Variants in CYP2C19 observed in about 807,000 individuals in gnomAD.
The protein encoded by CYP2C19 is cytochrome P450 family 2 subfamily C member 19, also known as cytochrome P450 2C19.
A neutral mutation model predicts 40.9 loss-of-function variants in CYP2C19; 59 were observed. The ratio of observed to expected loss-of-function variants is 1.44; its 90% CI spans 1.17 to 1.79. The LOEUF is 1.79. Ranked by LOEUF, CYP2C19 falls within the 40% of genes most tolerant of loss-of-function variation. CYP2C19 has a pLI of 0.00. For synonymous variants in CYP2C19, 253 were observed against 208.7 expected, an observed-to-expected ratio of 1.21 and a Z score of -1.83; for missense variants, 754 against 596.9, an observed-to-expected ratio of 1.26 and a Z score of -2.74.
At chr10:94,843,148 T>C in intron 7 of CYP2C19, 124 bp downstream of exon 7, 7 of 1,203,238 alleles carry the variant, frequency 5.8e-6, no homozygotes, top group Non-Finnish European at 8.5e-6. Context: ...GGCAGTTTAA[T>C]TGGACTTTCT....
chr10:94,792,838 T>A (rs1848622495), intron 5 of CYP2C19, among the ~76,000 whole-genome samples: 4 of 152,112 alleles, frequency 2.6e-5, no homozygotes, highest in Admixed American at 2.6e-4. Flanking sequence ...TGTCATGGGG[T>A]TGCTCTTCTC....
intron 5 of CYP2C19, among the ~76,000 whole-genome samples, chr10:94,802,830 C>A (rs2134254319): frequency 6.6e-6 from 1 of 152,200 alleles, no homozygotes; most frequent in East Asian, 1.9e-4. Flanking sequence ...TTTTATTTCT[C>A]CTTCACTTAT....
chr10:94,817,268 AT>A lies in CYP2C19; in HGVS notation c.820-3226del, dbSNP rs1395822532. Among the ~76,000 whole-genome samples the A allele has an allele frequency of 6.4e-3, 959 of 150,164 alleles. 10 individuals are homozygous for A. The highest frequency in any genetic ancestry group is 0.047 in the East Asian group (233 of 4,934). On this transcript the variant is annotated intron_variant, in intron 5 of 8. Transcript: ENST00000371321. The stretch of plus-strand genomic sequence containing the variant: ...GTTTCCTGACTTTTTAATGATTGCC[AT>A]TCTAACTGGTGTGAGATGATATCTC...
chr10:94,786,305 A>G (rs1446740667), intron 5 of CYP2C19, among the ~76,000 whole-genome samples: 2 of 152,072 alleles, frequency 1.3e-5, no homozygotes, highest in East Asian at 3.9e-4. Flanking sequence ...GATTGCATAG[A>G]ATTTTTAGAT....
intron 5 of CYP2C19, among the ~76,000 whole-genome samples, chr10:94,791,701 T>C (rs1848607663): frequency 6.6e-6 from 1 of 152,182 alleles, no homozygotes; most frequent in Non-Finnish European, 1.5e-5. Context: ...AATCCTGAGT[T>C]CTAGTTTGAT....
In CYP2C19 at chr10:94,762,844, A is replaced by G; in HGVS notation, c.139A>G (p.Ile47Val). ...GATTGGAAATATCCTACAGATAGATATTAAGGATGTCAGCAAATCCTTAAC... is the reference window on the plus strand; with the variant it reads ...GATTGGAAATATCCTACAGATAGATGTTAAGGATGTCAGCAAATCCTTAAC... The part of the protein sequence containing the change: ...PVIGNILQID[I>V]KDVSKSLTNL... Residue 47 changes from isoleucine (I) to valine (V), a missense_variant, in exon 1 of 9, where the codon ATT becomes GTT. Ile to Val is a conservative substitution (Grantham distance 29). Transcript: ENST00000371321. 6.2e-7 allele frequency: 1 copy of G among 1,613,974 alleles called. No homozygotes were observed. The highest frequency in any genetic ancestry group is 8.5e-7 in the Non-Finnish European group (1 of 1,179,874).
At chr10:94,847,956 C>T (rs1744203797) in intron 7 of CYP2C19, among the ~76,000 whole-genome samples, 3 of 152,026 alleles carry the variant, frequency 2.0e-5, no homozygotes, top group Admixed American at 6.6e-5. Flanking sequence ...TGTTGGAGTT[C>T]ATTGTAGATT....
chr10:94,794,347 C>A (rs188092707), intron 5 of CYP2C19, among the ~76,000 whole-genome samples: 2 of 152,028 alleles, frequency 1.3e-5, no homozygotes, highest in Admixed American at 1.3e-4. Context: ...GCTCACACTC[C>A]ATGGGCTGTA....
In CYP2C19 at chr10:94,849,913, C is replaced by T. The variant is rs1201339648; in HGVS notation, c.1150-4C>T. On this transcript the variant is annotated splice_polypyrimidine_tract_variant and splice_region_variant and intron_variant, in intron 7 of 8. Coordinates refer to ENST00000371321, the MANE Select transcript of CYP2C19 (RefSeq NM_000769.4). The stretch of plus-strand genomic sequence containing the variant: ...CTCAGTTCACCTATGTCTCTTGTTT[C>T]TAGGGCACAACCATATTAACTTCCC... 6.2e-7 allele frequency: 1 copy of T among 1,613,372 alleles called. No individual in the cohort carries two copies. Among genetic ancestry groups the T allele is most frequent in the African/African-American group, 1.3e-5 (1 of 74,844 alleles).
chr10:94,780,977 C>T (rs1848472124), intron 4 of CYP2C19, among the ~76,000 whole-genome samples: 1 of 152,136 alleles, frequency 6.6e-6, no homozygotes, highest in East Asian at 1.9e-4. Flanking sequence ...CATGGACATC[C>T]AGGCACTTTG....
chr10:94,773,731 C>A (rs1229937145), intron 1 of CYP2C19: 1 of 152,238 alleles, frequency 6.6e-6, no homozygotes, highest in African/African-American at 2.4e-5. Context: ...AGCTACAGAC[C>A]TTTGCAGTGA....
intron 5 of CYP2C19, among the ~76,000 whole-genome samples, chr10:94,813,934 C>G (rs1006189026): frequency 2.0e-5 from 3 of 151,066 alleles, no homozygotes; most frequent in African/African-American, 7.3e-5. Flanking sequence ...AGGGAATCTT[C>G]TGGTCTGTGG....
chr10:94,799,539 A>G (rs1848736010), intron 5 of CYP2C19, among the ~76,000 whole-genome samples: 1 of 152,062 alleles, frequency 6.6e-6, no homozygotes, highest in South Asian at 2.1e-4. Flanking sequence ...CTAAATTTGA[A>G]TGTTGGCCTG....
rs182124095 is a variant in CYP2C19, at chr10:94,812,987, T to C, written c.820-7509T>C. 5.4e-3 allele frequency among the ~76,000 whole-genome samples: 823 copies of C among 151,678 alleles called. 26 individuals are homozygous for C. The highest frequency in any genetic ancestry group is 0.018 in the African/African-American group (750 of 41,028). On this transcript the variant is annotated intron_variant, in intron 5 of 8. Coordinates refer to ENST00000371321, the MANE Select transcript of CYP2C19 (RefSeq NM_000769.4). ...CAGCCTTTTTGTGCTGTTTTTTTTT[T>C]CTCATATTTGTGGATTTATCTACCT...
intron 5 of CYP2C19, among the ~76,000 whole-genome samples, chr10:94,818,067 TA>T (rs1253245397): frequency 6.8e-6 from 1 of 147,734 alleles, no homozygotes; most frequent in African/African-American, 2.5e-5. Context: ...GATTTTTGTA[TA>T]AGGTGTAAGG....
chr10:94,838,132 A>G (rs1849434146), intron 6 of CYP2C19, among the ~76,000 whole-genome samples: 1 of 152,060 alleles, frequency 6.6e-6, no homozygotes, highest in Non-Finnish European at 1.5e-5. Flanking sequence ...TCATTGAATA[A>G]TTCATAGTCT....
rs1044616011 is a variant in CYP2C19, at chr10:94,788,326, A to G, written c.819+6329A>G. The stretch of plus-strand genomic sequence containing the variant: ...CTGAGATGGGTCTTCTAGGTCTGAG[A>G]TGGAGCTTCTATATCTACTAGTAAA... On this transcript the variant is annotated intron_variant, in intron 5 of 8. Coordinates refer to ENST00000371321, the MANE Select transcript of CYP2C19 (RefSeq NM_000769.4). 6.6e-5 allele frequency among the ~76,000 whole-genome samples: 10 copies of G among 152,186 alleles called. No individual in the cohort carries two copies. The South Asian group carries it at 1.7e-3, about 25-fold the overall frequency.
chr10:94,797,519 G>A (rs867559759), intron 5 of CYP2C19, among the ~76,000 whole-genome samples: 13 of 152,178 alleles, frequency 8.5e-5, no homozygotes, highest in Middle Eastern at 6.8e-3. Flanking sequence ...TAGTTAGGGA[G>A]GATTCCATCT....
At chr10:94,845,229 G>C (rs1001732355) in intron 7 of CYP2C19, among the ~76,000 whole-genome samples, 1 of 152,122 alleles carries the variant, frequency 6.6e-6, no homozygotes, top group African/African-American at 2.4e-5. Flanking sequence ...AGACTTTTTA[G>C]GCCATGATGT....
Sources: allele counts gnomAD v4.1 joint callset (sites outside exome capture counted in the v4.1 genomes callset), GRCh38; gene constraint gnomAD v4.1.1; transcripts MANE v1.5; gene names NCBI Gene and HGNC (gene_info 2026-07-23, HGNC 2026-07-21).